Variants in DACH1 observed in about 807,000 individuals in gnomAD.
DACH1 encodes the protein dachshund homolog 1.
Under a neutral mutation model 54.2 loss-of-function variants are expected in DACH1, and 12 were observed. That is an observed-to-expected ratio of 0.22 (90% CI 0.14 to 0.36). The LOEUF is 0.36. Ranked by LOEUF, DACH1 falls within the 10% of genes least tolerant of loss-of-function variation. The pLI, the probability that DACH1 is intolerant of heterozygous loss-of-function variation, is 1.00. For missense variants in DACH1, 805 were observed against 929.8 expected, an observed-to-expected ratio of 0.87 and a Z score of 1.75; for synonymous variants, 386 against 366.2, an observed-to-expected ratio of 1.05 and a Z score of -0.62.
At chr13:71,593,228 T>C (rs1593952203) in intron 3 of DACH1, among the ~76,000 whole-genome samples, 1 of 152,160 alleles carries the variant, frequency 6.6e-6, no homozygotes, top group East Asian at 1.9e-4. Context: ...GGTATAAATG[T>C]TCAAACCAAT....
chr13:71,540,181 A>G (rs542718167), intron 6 of DACH1, among the ~76,000 whole-genome samples: 2 of 152,144 alleles, frequency 1.3e-5, no homozygotes, highest in African/African-American at 4.8e-5. Context: ...CTGTTAATAT[A>G]AAAGTATACC....
intron 6 of DACH1, among the ~76,000 whole-genome samples, chr13:71,550,380 T>G (rs2138355210): frequency 6.6e-6 from 1 of 152,216 alleles, no homozygotes; most frequent in South Asian, 2.1e-4. Flanking sequence ...TGAAGAAGTT[T>G]GGGCTGAACA....
intron 6 of DACH1, among the ~76,000 whole-genome samples, chr13:71,493,641 CTTCT>C (rs1436740370): frequency 1.3e-5 from 2 of 152,086 alleles, no homozygotes; most frequent in Non-Finnish European, 2.9e-5. Context: ...CGTGGAACAA[CTTCT>C]TTCTATTCAA....
chr13:71,653,484 G>A (rs540263211), intron 2 of DACH1, among the ~76,000 whole-genome samples: 3 of 152,302 alleles, frequency 2.0e-5, no homozygotes, highest in South Asian at 4.1e-4. Context: ...AAAGGCAGAC[G>A]CTGCCCTACG....
chr13:71,866,746 G>A lies in DACH1; in HGVS notation c.24C>T (p.Ile8=). Residue 8 remains isoleucine (I), a synonymous_variant, in exon 1 of 11, where the codon ATC becomes ATT. Transcript: ENST00000613252. MAVPAAL[I]PPTQLVPPQP... Reference sequence around the variant, plus strand: ...GAGGGGGGACCAGCTGGGTCGGAGGGATCAAAGCCGCCGGCACTGCCATGG... The same window carrying A: ...GAGGGGGGACCAGCTGGGTCGGAGGAATCAAAGCCGCCGGCACTGCCATGG... 1 of 1,403,708 alleles carries A rather than the reference G, an allele frequency of 7.1e-7. No individual in the cohort carries two copies. The highest frequency in any genetic ancestry group is 9.3e-7 in the Non-Finnish European group (1 of 1,070,006). The allele number at this position is 1,403,708 out of a possible 1,614,324, so 87.0% of individuals were successfully genotyped here. A position where few individuals can be genotyped will look rare whatever the true frequency, so the allele number is the denominator to read the frequency against.
At chr13:71,721,041 A>T (rs2138802699) in intron 1 of DACH1, among the ~76,000 whole-genome samples, 1 of 152,306 alleles carries the variant, frequency 6.6e-6, no homozygotes, top group Non-Finnish European at 1.5e-5. Flanking sequence ...ATTGGTTGGA[A>T]AAAATAGGGA....
At chr13:71,549,917 T>G (rs1226305076) in intron 6 of DACH1, among the ~76,000 whole-genome samples, 2 of 152,152 alleles carry the variant, frequency 1.3e-5, no homozygotes, top group Non-Finnish European at 2.9e-5. Context: ...CTAGGTTCAT[T>G]GAAATTGTAT....
At chr13:71,489,545 C>T (rs1878815909) in intron 6 of DACH1, among the ~76,000 whole-genome samples, 1 of 151,964 alleles carries the variant, frequency 6.6e-6, no homozygotes, top group Admixed American at 6.6e-5. Context: ...AAGAGAGGGG[C>T]TTTGTATATT....
At chr13:71,495,324 G>C (rs912850657) in intron 6 of DACH1, among the ~76,000 whole-genome samples, 2 of 151,846 alleles carry the variant, frequency 1.3e-5, no homozygotes, top group African/African-American at 4.8e-5. Context: ...CAAAATACTA[G>C]AGAATAAAAT....
chr13:71,860,884 T>A (rs994452136), intron 1 of DACH1, among the ~76,000 whole-genome samples: 3 of 152,000 alleles, frequency 2.0e-5, no homozygotes, highest in Admixed American at 6.6e-5. Context: ...AATTTACTAA[T>A]GCTACTTATA....
chr13:71,481,159 T>C (rs972743940), intron 7 of DACH1, among the ~76,000 whole-genome samples: 1 of 152,246 alleles, frequency 6.6e-6, no homozygotes, highest in Non-Finnish European at 1.5e-5. Context: ...TCTAATTTTC[T>C]GCTCTGATTG....
intron 8 of DACH1, among the ~76,000 whole-genome samples, chr13:71,476,975 AAAG>A (rs892525095): frequency 2.5e-4 from 37 of 150,862 alleles, no homozygotes; most frequent in African/African-American, 8.7e-4. Context: ...ACTACAGATT[AAAG>A]AACAGCAACA....
At position 71,747,833 on chromosome 13, in the gene DACH1, G is replaced by A. The variant is rs150639302; in HGVS notation, c.849-65923C>T. Among the ~76,000 whole-genome samples the A allele has an allele frequency of 5.1e-3, 771 of 152,162 alleles. 6 individuals are homozygous for A. The highest frequency in any genetic ancestry group is 0.017 in the African/African-American group (725 of 41,512). On this transcript the variant is annotated intron_variant, in intron 1 of 10. Coordinates refer to ENST00000613252, the MANE Select transcript of DACH1 (RefSeq NM_080759.6). ...TTTTTAATGAATTGTGTCCTAATGG[G>A]TCCCTGTATAGCACTGTAGCAGCTT...
chr13:71,803,691 A>C (rs1271091052), intron 1 of DACH1, among the ~76,000 whole-genome samples: 4 of 152,188 alleles, frequency 2.6e-5, no homozygotes, highest in African/African-American at 9.6e-5. Context: ...AAAAGCTTTA[A>C]GTTTTCTCAC....
At chr13:71,573,371 A>C (rs1264942729) in intron 3 of DACH1, 2 of 710,050 alleles carry the variant, frequency 2.8e-6, no homozygotes, top group African/African-American at 3.5e-5. Flanking sequence ...TGATAAATAC[A>C]ATTTAAAAAA....
At chr13:71,457,648 C>T (rs141604611) in intron 10 of DACH1, among the ~76,000 whole-genome samples, 2 of 152,074 alleles carry the variant, frequency 1.3e-5, no homozygotes, top group African/African-American at 2.4e-5. Flanking sequence ...ACATACTTTG[C>T]TTCGAAATGT....
chr13:71,723,435 C>A (rs1883320170), intron 1 of DACH1, among the ~76,000 whole-genome samples: 1 of 151,850 alleles, frequency 6.6e-6, no homozygotes, highest in Non-Finnish European at 1.5e-5. Flanking sequence ...AAAATGTGTC[C>A]TAGTTAACAT....
At chr13:71,694,747 T>C (rs894211480) in intron 1 of DACH1, among the ~76,000 whole-genome samples, 1 of 152,186 alleles carries the variant, frequency 6.6e-6, no homozygotes, top group Admixed American at 6.5e-5. Flanking sequence ...CATGTTCCCT[T>C]ATTTATTTAT....
At chr13:71,694,602 G>A (rs1187179081) in intron 1 of DACH1, among the ~76,000 whole-genome samples, 3 of 152,080 alleles carry the variant, frequency 2.0e-5, no homozygotes, top group East Asian at 1.9e-4. Context: ...ATAAACTACC[G>A]GAACCACAGA....
Sources: gnomAD v4.1 joint callset for allele counts (sites outside exome capture counted in the v4.1 genomes callset) on GRCh38, gnomAD v4.1.1 for gene constraint, MANE v1.5 for transcripts, NCBI Gene and HGNC (gene_info 2026-07-23, HGNC 2026-07-21) for gene names.